The following AUTS2 variants were observed in gnomAD, a reference collection of about 807,000 sequenced individuals.
AUTS2 encodes the protein activator of transcription and developmental regulator AUTS2.
AUTS2 carries 17 observed loss-of-function variants against 112.4 expected under a neutral mutation model. The ratio of observed to expected loss-of-function variants is 0.15; its 90% CI spans 0.10 to 0.23. The LOEUF is 0.23. Among genes scored for constraint, AUTS2 ranks in the 10% least tolerant of loss-of-function variants. The pLI is 1.00. For missense variants in AUTS2, 1,510 were observed against 1,701.6 expected (o/e 0.89, Z 1.98); for synonymous variants, 751 against 702.7 (o/e 1.07, Z -1.09).
At chr7:70,474,445 T>G (rs1169908826) in intron 5 of AUTS2, among the ~76,000 whole-genome samples, 13 of 152,190 alleles carry the variant, frequency 8.5e-5, no homozygotes, top group Non-Finnish European at 8.8e-5. Flanking sequence ...CTTATAACAG[T>G]CATGGTCCTC....
Position 70,711,775 on chromosome 7 carries a change from G to A in AUTS2, c.742+13155G>A, listed in dbSNP as rs189386604. ...CTGACATCCTAGAAGGGGGAGGGCG[G>A]GAGCCACGCAGGAGGCTGTGTTTGG... On this transcript the variant is annotated intron_variant, in intron 6 of 18. Coordinates refer to ENST00000342771, the MANE Select transcript of AUTS2 (RefSeq NM_015570.4). Among the ~76,000 whole-genome samples the A allele has an allele frequency of 1.9e-4, 29 of 152,244 alleles. No homozygotes were observed. In the East Asian group the frequency reaches 5.0e-3, roughly 26 times the overall value.
At chr7:70,553,825 G>A (rs1337236968) in intron 5 of AUTS2, among the ~76,000 whole-genome samples, 1 of 136,206 alleles carries the variant, frequency 7.3e-6, no homozygotes, top group Non-Finnish European at 1.5e-5. Flanking sequence ...GGAGTGCAGT[G>A]GTGCGATTTC....
At position 69,599,983 on chromosome 7, in the gene AUTS2, C is replaced by T. The variant is rs200365777; in HGVS notation, c.309+21C>T. On this transcript the variant is annotated intron_variant, in intron 1 of 18. Transcript: ENST00000342771. This position sits in a 1 kb window ranked among gnomAD's most constrained non-coding sequence, Gnocchi z 7.0. ...TGGAGGTAAGGGGGACCCCCCTTCC[C>T]CCGGGTTCCCTTTATGCACGACCCC... The T allele has an allele frequency of 3.7e-6, 6 of 1,612,306 alleles. No homozygotes were observed. The South Asian group carries it at 4.4e-5, about 12-fold the overall frequency.
intron 1 of AUTS2, among the ~76,000 whole-genome samples, chr7:69,876,360 A>ATATATATATATATATATATATG (rs1793770000): frequency 9.5e-6 from 1 of 105,182 alleles, no homozygotes; most frequent in African/African-American, 3.8e-5. Flanking sequence ...ATATATATAT[A>ATATATATATATATATATATATG]TATATATATA....
intron 2 of AUTS2, among the ~76,000 whole-genome samples, chr7:70,017,218 G>A (rs964813081): frequency 7.2e-5 from 11 of 152,222 alleles, no homozygotes; most frequent in Middle Eastern, 3.4e-3. Flanking sequence ...TGTTAACTTC[G>A]CCAAAGTGAA....
intron 2 of AUTS2, among the ~76,000 whole-genome samples, chr7:69,998,371 A>C (rs1368053642): frequency 6.6e-6 from 1 of 152,030 alleles, no homozygotes; most frequent in Admixed American, 6.6e-5. Flanking sequence ...AAAAAAAAAA[A>C]TCATCTGTAA....
At chr7:70,710,972 A>T (rs936978303) in intron 6 of AUTS2, among the ~76,000 whole-genome samples, 1 of 152,228 alleles carries the variant, frequency 6.6e-6, no homozygotes, top group African/African-American at 2.4e-5. Context: ...TTCTACCCCC[A>T]TGGGAAGAGG....
intron 4 of AUTS2, among the ~76,000 whole-genome samples, chr7:70,343,981 T>C (rs1400003769): frequency 6.6e-6 from 1 of 152,112 alleles, no homozygotes; most frequent in Admixed American, 6.5e-5. Context: ...TCCTCAATTC[T>C]GGAAACTAAC....
At chr7:69,674,529 C>T (rs1796470514) in intron 1 of AUTS2, among the ~76,000 whole-genome samples, 1 of 80,826 alleles carries the variant, frequency 1.2e-5, no homozygotes, top group African/African-American at 4.1e-5. Flanking sequence ...ATTGTAAACA[C>T]TTAATATATG....
intron 4 of AUTS2, among the ~76,000 whole-genome samples, chr7:70,175,899 A>G (rs112978616): frequency 1.3e-5 from 2 of 152,318 alleles, no homozygotes; most frequent in African/African-American, 4.8e-5. Context: ...TGGGAAACCA[A>G]AAGTTCATGG....
intron 1 of AUTS2, among the ~76,000 whole-genome samples, chr7:69,607,597 A>C (rs1171953137): frequency 6.6e-6 from 1 of 152,162 alleles, no homozygotes; most frequent in Non-Finnish European, 1.5e-5. Context: ...TCTGAATTCT[A>C]GTTAGTTTGT....
chr7:70,592,610 G>A (rs999959015), intron 5 of AUTS2, among the ~76,000 whole-genome samples: 4 of 151,828 alleles, frequency 2.6e-5, no homozygotes, highest in Non-Finnish European at 4.4e-5. Context: ...GATCCCACCC[G>A]CCCTGTCCTC....
At chr7:69,621,097 T>C (rs2129091081) in intron 1 of AUTS2, among the ~76,000 whole-genome samples, 1 of 152,346 alleles carries the variant, frequency 6.6e-6, no homozygotes, top group East Asian at 1.9e-4. Flanking sequence ...AACAAGCATT[T>C]ATTGAGTATT....
intron 2 of AUTS2, among the ~76,000 whole-genome samples, chr7:69,912,038 C>T (rs1442580390): frequency 1.3e-5 from 2 of 152,216 alleles, no homozygotes; most frequent in African/African-American, 4.8e-5. Context: ...CACCTTCAGT[C>T]CTACCTTGGC....
chr7:70,753,735 G>A (rs1489939733), intron 6 of AUTS2, among the ~76,000 whole-genome samples: 6 of 152,228 alleles, frequency 3.9e-5, no homozygotes, highest in African/African-American at 1.4e-4. Flanking sequence ...TTAGCAGGGG[G>A]AATTTAAAGT....
At chr7:69,601,928 T>G (rs1792428263) in intron 1 of AUTS2, among the ~76,000 whole-genome samples, 1 of 151,872 alleles carries the variant, frequency 6.6e-6, no homozygotes, top group East Asian at 1.9e-4. Context: ...TGGTTCTGCT[T>G]TCTGCATGGT....
chr7:70,217,747 T>C (rs973442717), intron 4 of AUTS2, among the ~76,000 whole-genome samples: 5 of 152,222 alleles, frequency 3.3e-5, no homozygotes, highest in Non-Finnish European at 5.9e-5. Context: ...AAGGCAGTTA[T>C]GATGCGATTT....
chr7:69,679,932 G>A (rs1350749545), intron 1 of AUTS2, among the ~76,000 whole-genome samples: 3 of 152,010 alleles, frequency 2.0e-5, no homozygotes, highest in African/African-American at 7.2e-5. Context: ...AATGAAATCA[G>A]TCCCCTTTTC....
intron 1 of AUTS2, among the ~76,000 whole-genome samples, chr7:69,881,510 A>G (rs1794044758): frequency 6.6e-6 from 1 of 152,332 alleles, no homozygotes; most frequent in East Asian, 1.9e-4. Context: ...GAAAGCCAGC[A>G]AGTTAAAGCA....
Sources: gnomAD v4.1 joint callset for allele counts (sites outside exome capture counted in the v4.1 genomes callset) on GRCh38, gnomAD v4.1.1 for gene constraint, Gnocchi (gnomAD v3.1) non-coding constraint, MANE v1.5 for transcripts, NCBI Gene and HGNC (gene_info 2026-07-23, HGNC 2026-07-21) for gene names.